ADCY2: variants seen among roughly 807,000 people sequenced by gnomAD.
ADCY2 encodes the protein adenylate cyclase type 2.
A neutral mutation model predicts 125.2 loss-of-function variants in ADCY2; 31 were observed. That is an observed-to-expected ratio of 0.25 (90% CI 0.19 to 0.33). The LOEUF (loss-of-function observed/expected upper bound fraction) is 0.33, where lower values mean the gene tolerates loss of function less well. Ranked by LOEUF, ADCY2 falls within the 10% of genes least tolerant of loss-of-function variation. ADCY2 has a pLI of 1.00. For synonymous variants in ADCY2, 512 were observed against 548.4 expected, an observed-to-expected ratio of 0.93 and a Z score of 0.93; for missense variants, 904 against 1,418.2, an observed-to-expected ratio of 0.64 and a Z score of 5.82.
intron 2 of ADCY2, among the ~76,000 whole-genome samples, chr5:7,460,021 C>T (rs1017591852): frequency 1.3e-5 from 2 of 151,750 alleles, no homozygotes; most frequent in East Asian, 3.9e-4. Context: ...CTCCTGACCT[C>T]GCGATCCACC....
At chr5:7,749,876 C>T (rs1167301999) in intron 15 of ADCY2, 1 of 152,194 alleles carries the variant, frequency 6.6e-6, no homozygotes, top group Non-Finnish European at 1.5e-5. Flanking sequence ...GCTTTCTACC[C>T]CACAGCAGTG....
intron 3 of ADCY2, among the ~76,000 whole-genome samples, chr5:7,552,417 T>C (rs1735371338): frequency 6.6e-6 from 1 of 152,226 alleles, no homozygotes; most frequent in Non-Finnish European, 1.5e-5. Context: ...GGAGAAGCTG[T>C]ATTTCTTTAT....
intron 7 of ADCY2, among the ~76,000 whole-genome samples, chr5:7,699,081 A>ATCTTTTT (rs1740990701): frequency 2.6e-5 from 1 of 37,964 alleles, no homozygotes; most frequent in African/African-American, 9.0e-5. Context: ...AACAGTAAGC[A>ATCTTTTT]TTTTTTTTTT....
At chr5:7,485,274 A>G (rs1039870080) in intron 2 of ADCY2, among the ~76,000 whole-genome samples, 7 of 152,228 alleles carry the variant, frequency 4.6e-5, no homozygotes, top group African/African-American at 1.7e-4. Flanking sequence ...TATCAATTGG[A>G]AAAAGTATAT....
At chr5:7,814,999 G>A (rs1458512489) in intron 22 of ADCY2, among the ~76,000 whole-genome samples, 5 of 152,054 alleles carry the variant, frequency 3.3e-5, no homozygotes, top group African/African-American at 1.2e-4. Context: ...CAACCCTCTG[G>A]TATCCCACTC....
intron 3 of ADCY2, among the ~76,000 whole-genome samples, chr5:7,538,983 C>A (rs1209644415): frequency 6.6e-6 from 1 of 151,524 alleles, no homozygotes; most frequent in Non-Finnish European, 1.5e-5. Flanking sequence ...CTTGCCTCAG[C>A]CTCCTGAGTA....
intron 18 of ADCY2, among the ~76,000 whole-genome samples, chr5:7,774,712 C>T (rs552547643): frequency 2.0e-5 from 3 of 152,212 alleles, no homozygotes; most frequent in Admixed American, 6.5e-5. Context: ...TTTGTATTTG[C>T]GCTCGGTTTG....
intron 2 of ADCY2, among the ~76,000 whole-genome samples, chr5:7,447,126 T>C (rs1741292671): frequency 6.6e-6 from 1 of 152,190 alleles, no homozygotes; most frequent in Non-Finnish European, 1.5e-5. Context: ...GTACAAGGGC[T>C]GAAGTTAAAT....
At chr5:7,759,092 G>C (rs1743109032) in intron 16 of ADCY2, among the ~76,000 whole-genome samples, 1 of 152,176 alleles carries the variant, frequency 6.6e-6, no homozygotes, top group Non-Finnish European at 1.5e-5. Context: ...ATTGATCTTA[G>C]TGACACCTGC....
At chr5:7,657,502 T>A (rs146144408) in intron 4 of ADCY2, among the ~76,000 whole-genome samples, 13 of 152,266 alleles carry the variant, frequency 8.5e-5, no homozygotes, top group African/African-American at 2.9e-4. Context: ...TATGTCACAG[T>A]GGCTCTCCAT....
At chr5:7,530,938 G>A (rs542498087) in intron 3 of ADCY2, among the ~76,000 whole-genome samples, 13 of 152,214 alleles carry the variant, frequency 8.5e-5, no homozygotes, top group South Asian at 6.2e-4. Context: ...TTCTCAGGTC[G>A]CAAGGAGCTC....
intron 2 of ADCY2, among the ~76,000 whole-genome samples, chr5:7,490,563 AT>A (rs1743123085): frequency 6.6e-6 from 1 of 152,192 alleles, no homozygotes; most frequent in African/African-American, 2.4e-5. Context: ...AATCTGAAAA[AT>A]AAATGTAAAG....
At chr5:7,447,260 T>A (rs1741297882) in intron 2 of ADCY2, among the ~76,000 whole-genome samples, 1 of 152,178 alleles carries the variant, frequency 6.6e-6, no homozygotes, top group East Asian at 1.9e-4. Context: ...TAATTTAGGT[T>A]CTTGATGTCT....
chr5:7,772,851 C>A, intron 17 of ADCY2, 81 bp from the exon 18 acceptor site: 1 of 1,368,958 alleles, frequency 7.3e-7, no homozygotes, highest in Non-Finnish European at 1.0e-6. Context: ...ATGAGATGGG[C>A]GGTGGTCCCC....
chr5:7,564,065 AT>A (rs1196891941), intron 3 of ADCY2, among the ~76,000 whole-genome samples: 3 of 152,226 alleles, frequency 2.0e-5, no homozygotes, highest in Non-Finnish European at 4.4e-5. Context: ...TAAACAGATC[AT>A]TTGTTTGAAG....
intron 2 of ADCY2, among the ~76,000 whole-genome samples, 161 bp from the exon 3 acceptor site, chr5:7,520,577 A>C (rs1236759046): frequency 6.6e-6 from 1 of 152,228 alleles, no homozygotes; most frequent in Non-Finnish European, 1.5e-5. Context: ...ATTGTAATCC[A>C]GTGGACTTAT....
intron 17 of ADCY2, among the ~76,000 whole-genome samples, chr5:7,769,637 C>A (rs1223656055): frequency 1.3e-5 from 2 of 152,052 alleles, no homozygotes; most frequent in African/African-American, 2.4e-5. Flanking sequence ...TTTTAAAATA[C>A]CCAAATTAGC....
chr5:7,675,119 C>T (rs1298629552), intron 4 of ADCY2, among the ~76,000 whole-genome samples: 3 of 150,216 alleles, frequency 2.0e-5, no homozygotes, highest in Non-Finnish European at 4.4e-5. Context: ...GATAGCGCCA[C>T]TGCAGTCCGG....
chr5:7,542,295 T>C (rs1735021663), intron 3 of ADCY2, among the ~76,000 whole-genome samples: 1 of 151,942 alleles, frequency 6.6e-6, no homozygotes, highest in Admixed American at 6.6e-5. Flanking sequence ...TGGGGATGAG[T>C]TTTATTTTTG....
Sources: allele counts gnomAD v4.1 joint callset (sites outside exome capture counted in the v4.1 genomes callset), GRCh38; gene constraint gnomAD v4.1.1; transcripts MANE v1.5; gene names NCBI Gene and HGNC (gene_info 2026-07-23, HGNC 2026-07-21).